The following SESN1 variants were observed in gnomAD, a reference collection of about 807,000 sequenced individuals.
SESN1 encodes sestrin 1, also known as sestrin-1.
SESN1 carries 30 observed loss-of-function variants against 59.3 expected under a neutral mutation model. The observed-to-expected ratio is 0.51, with a 90% confidence interval of 0.38 to 0.69. SESN1 has a LOEUF of 0.69. Ranked by LOEUF, SESN1 falls within the 30% of genes least tolerant of loss-of-function variation. The pLI, the probability that SESN1 is intolerant of heterozygous loss-of-function variation, is 0.00. For synonymous variants in SESN1, 197 were observed against 219.9 expected, an observed-to-expected ratio of 0.90 and a Z score of 0.92; for missense variants, 566 against 673.0, an observed-to-expected ratio of 0.84 and a Z score of 1.76.
intron 1 of SESN1, among the ~76,000 whole-genome samples, chr6:109,092,198 T>C (rs1253957808): frequency 6.6e-6 from 1 of 152,228 alleles, no homozygotes; most frequent in African/African-American, 2.4e-5. Context: ...ATCTACTATA[T>C]ATACCAGAGT....
chr6:109,008,743 T>C (rs900332918), intron 1 of SESN1: 2 of 980,264 alleles, frequency 2.0e-6, no homozygotes, highest in Admixed American at 1.2e-4. Context: ...ATGTTACAAT[T>C]AAGTACCTCT....
rs146685292 is a variant in SESN1, at chr6:108,990,246, C to A, written c.1424+399G>T. ...AGAGCAAGTACTCCTCAGAAGGAGC[C>A]TAAGAACAGCCAGAGGGGCAATATA... On this transcript the variant is annotated intron_variant, in intron 8 of 9. Coordinates refer to ENST00000436639, the MANE Select transcript of SESN1 (RefSeq NM_014454.3). 5.2e-3 allele frequency among the ~76,000 whole-genome samples: 795 copies of A among 152,262 alleles called. 5 individuals carry two copies. The highest frequency in any genetic ancestry group is 9.3e-3 in the Non-Finnish European group (633 of 68,020).
At chr6:109,011,280 G>T (rs1219063889) in intron 1 of SESN1, among the ~76,000 whole-genome samples, 7 of 152,148 alleles carry the variant, frequency 4.6e-5, no homozygotes, top group Non-Finnish European at 8.8e-5. Flanking sequence ...ATTTATTGAA[G>T]AAATATTTCA....
chr6:109,028,501 G>A (rs1275918860), intron 1 of SESN1, among the ~76,000 whole-genome samples: 1 of 152,062 alleles, frequency 6.6e-6, no homozygotes. Flanking sequence ...TGTCTGATGA[G>A]TTTCTACTAT....
intron 1 of SESN1, among the ~76,000 whole-genome samples, chr6:109,087,256 A>G (rs1583301587): frequency 6.6e-6 from 1 of 152,230 alleles, no homozygotes; most frequent in East Asian, 1.9e-4. Flanking sequence ...TTTATATATT[A>G]TAAAGAAGAC....
intron 1 of SESN1, among the ~76,000 whole-genome samples, chr6:109,021,565 T>C (rs1780010838): frequency 6.6e-6 from 1 of 151,988 alleles, no homozygotes. Context: ...AGCCTCGCAA[T>C]TAGCTGGGAC....
chr6:109,048,380 G>A (rs568697357), intron 1 of SESN1, among the ~76,000 whole-genome samples: 14 of 152,160 alleles, frequency 9.2e-5, no homozygotes, highest in Non-Finnish European at 1.9e-4. Flanking sequence ...GTATTGCACC[G>A]TGGGTTTAGT....
chr6:109,053,172 G>A (rs1385822370), intron 1 of SESN1, among the ~76,000 whole-genome samples: 2 of 152,018 alleles, frequency 1.3e-5, no homozygotes, highest in Non-Finnish European at 2.9e-5. Context: ...GCCTTGTGTT[G>A]GAAACATATG....
intron 1 of SESN1, among the ~76,000 whole-genome samples, chr6:109,086,238 C>G (rs1781211614): frequency 6.6e-6 from 1 of 152,102 alleles, no homozygotes; most frequent in South Asian, 2.1e-4. Flanking sequence ...GTAATCCCAG[C>G]TACTCGGGAG....
chr6:109,003,301 T>C (rs1295566049), intron 1 of SESN1, among the ~76,000 whole-genome samples: 1 of 151,208 alleles, frequency 6.6e-6, no homozygotes, highest in Admixed American at 6.6e-5. Context: ...AATTCTACTC[T>C]CTCCTTACTG....
At chr6:109,066,812 G>T (rs1354790365) in intron 1 of SESN1, among the ~76,000 whole-genome samples, 2 of 152,138 alleles carry the variant, frequency 1.3e-5, no homozygotes, top group Admixed American at 6.6e-5. Context: ...TTAAAAGTTC[G>T]AGAGAGACTA....
intron 1 of SESN1, among the ~76,000 whole-genome samples, chr6:109,049,486 T>C (rs67960979): frequency 0.069 from 10,542 of 152,096 alleles, 699 homozygotes; most frequent in African/African-American, 0.17. Context: ...AGGATAACTA[T>C]AGTTAACAAT....
At chr6:109,026,803 A>G (rs1057319453) in intron 1 of SESN1, among the ~76,000 whole-genome samples, 8 of 151,052 alleles carry the variant, frequency 5.3e-5, no homozygotes, top group Non-Finnish European at 1.2e-4. Context: ...GCGCCCGGCC[A>G]GGTTTAACTT....
At chr6:109,074,238 T>C (rs1215945478) in intron 1 of SESN1, among the ~76,000 whole-genome samples, 2 of 152,212 alleles carry the variant, frequency 1.3e-5, no homozygotes, top group African/African-American at 4.8e-5. Flanking sequence ...TGCCTAACAA[T>C]GCATTTCTCA....
chr6:109,047,585 TG>T (rs1780473870), intron 1 of SESN1, among the ~76,000 whole-genome samples: 2 of 142,608 alleles, frequency 1.4e-5, no homozygotes, highest in Non-Finnish European at 3.1e-5. Context: ...CCACCCCGTC[TG>T]GGAGGTGTGC....
intron 1 of SESN1, chr6:109,009,473 A>ACGGCTGCGGACGCGCGGAGG (rs1779812000): frequency 4.0e-6 from 5 of 1,252,316 alleles, no homozygotes; most frequent in Non-Finnish European, 4.0e-6. Flanking sequence ...CGGCGCGGGG[A>ACGGCTGCGGACGCGCGGAGG]CGGCTGCGGA....
At chr6:109,040,468 T>G (rs1202033327) in intron 1 of SESN1, among the ~76,000 whole-genome samples, 1 of 152,170 alleles carries the variant, frequency 6.6e-6, no homozygotes, top group Non-Finnish European at 1.5e-5. Context: ...ATTTATCATT[T>G]TAGTTGTGCC....
chr6:109,009,506 G>C lies in SESN1; in HGVS notation c.280-7163C>G, dbSNP rs975403361. On this transcript the variant is annotated intron_variant, in intron 1 of 9. Coordinates refer to ENST00000436639, the MANE Select transcript of SESN1 (RefSeq NM_014454.3). The stretch of plus-strand genomic sequence containing the variant: ...GGACGCGCGGAGGCGGCGAGCGCTG[G>C]GCAGCCGGCCGCGGCTCCTGGCTGC... The C allele has an allele frequency of 4.7e-5, 57 of 1,207,414 alleles. No individual in the cohort carries two copies. In the African/African-American group the frequency reaches 8.3e-4, roughly 17 times the overall value. 74.8% of individuals were successfully genotyped at this position (1,207,414 alleles called of 1,614,324 possible).
intron 1 of SESN1, among the ~76,000 whole-genome samples, chr6:109,028,098 T>G (rs978193636): frequency 6.6e-6 from 1 of 152,212 alleles, no homozygotes; most frequent in Non-Finnish European, 1.5e-5. Context: ...TAATGTCTCA[T>G]GCTTGTATTC....
Sources: allele counts gnomAD v4.1 joint callset (sites outside exome capture counted in the v4.1 genomes callset), GRCh38; gene constraint gnomAD v4.1.1; transcripts MANE v1.5; gene names NCBI Gene and HGNC (gene_info 2026-07-23, HGNC 2026-07-21).